ABCB4: variants seen among roughly 807,000 people sequenced by gnomAD.
The protein encoded by ABCB4 is ATP binding cassette subfamily B member 4, also known as phosphatidylcholine translocator ABCB4.
A neutral mutation model predicts 145.7 loss-of-function variants in ABCB4; 76 were observed. That is an observed-to-expected ratio of 0.52 (90% CI 0.43 to 0.63). The LOEUF (loss-of-function observed/expected upper bound fraction) is 0.63. ABCB4 is among the 30% of genes least tolerant of loss of function. The pLI is 0.00. For missense variants in ABCB4, 1,234 were observed against 1,553.1 expected (o/e 0.79, Z 3.45); for synonymous variants, 517 against 566.8 (o/e 0.91, Z 1.25).
intron 24 of ABCB4, among the ~76,000 whole-genome samples, chr7:87,408,885 T>G (rs1214317577): frequency 2.0e-5 from 3 of 152,182 alleles, no homozygotes; most frequent in Non-Finnish European, 4.4e-5. Context: ...ACCAATTACA[T>G]CTTAACTATT....
At chr7:87,469,622 C>T (rs1813214803) in intron 3 of ABCB4, among the ~76,000 whole-genome samples, 2 of 152,138 alleles carry the variant, frequency 1.3e-5, no homozygotes, top group South Asian at 4.1e-4. Flanking sequence ...TTCACAATTG[C>T]TTCAAAGAGA....
chr7:87,432,803 C>T (rs890688058), intron 14 of ABCB4, among the ~76,000 whole-genome samples: 7 of 152,010 alleles, frequency 4.6e-5, no homozygotes, highest in African/African-American at 1.4e-4. Context: ...GGTTGTACAA[C>T]CTTGTGAATA....
intron 27 of ABCB4, among the ~76,000 whole-genome samples, chr7:87,402,769 A>T (rs1202047427): frequency 6.6e-6 from 1 of 152,196 alleles, no homozygotes; most frequent in Non-Finnish European, 1.5e-5. Context: ...TGGGAGGCCG[A>T]GGCAGGCGGA....
chr7:87,388,370 A>G, the ABCB4 span, among the ~76,000 whole-genome samples: 2 of 152,214 alleles, frequency 1.3e-5, no homozygotes, highest in Admixed American at 1.3e-4. Flanking sequence ...ACCTGACTTC[A>G]AACTGTACTA....
chr7:87,393,441 A>C, the ABCB4 span, among the ~76,000 whole-genome samples: 40 of 152,308 alleles, frequency 2.6e-4, no homozygotes, highest in Middle Eastern at 3.4e-3. Flanking sequence ...TATTAATGAG[A>C]TAGAGAAAAG....
At chr7:87,438,033 A>T (rs890780651) in intron 14 of ABCB4, among the ~76,000 whole-genome samples, 5 of 152,210 alleles carry the variant, frequency 3.3e-5, no homozygotes, top group African/African-American at 1.2e-4. Context: ...AAAACAATAC[A>T]TACTGGTCAT....
chr7:87,419,788 G>GAAAAAAAAAAAAAAAAAA (rs200409056), intron 19 of ABCB4, among the ~76,000 whole-genome samples: 1 of 42,328 alleles, frequency 2.4e-5, no homozygotes, highest in African/African-American at 6.8e-5. Context: ...CTATTTCTAT[G>GAAAAAAAAAAAAAAAAAA]AAAAAAAACA....
intron 20 of ABCB4, 39 bp from the exon 21 acceptor site, chr7:87,417,554 C>T (rs1474289355): frequency 1.9e-6 from 3 of 1,560,780 alleles, no homozygotes; most frequent in South Asian, 1.1e-5. Context: ...TAGTTTTAAG[C>T]TCCAAATGCA....
the ABCB4 span, among the ~76,000 whole-genome samples, chr7:87,379,512 T>C: frequency 6.6e-6 from 1 of 152,180 alleles, no homozygotes; most frequent in Non-Finnish European, 1.5e-5. Flanking sequence ...GCTAAACTGA[T>C]TTTTACTAAT....
At chr7:87,416,633 A>C (rs1422360823) in intron 21 of ABCB4, among the ~76,000 whole-genome samples, 1 of 152,198 alleles carries the variant, frequency 6.6e-6, no homozygotes, top group Non-Finnish European at 1.5e-5. Flanking sequence ...CATATAGTAG[A>C]GGTAAGAGCT....
Position 87,432,873 on chromosome 7 carries a change from T to A in ABCB4, c.1732-1308A>T, listed in dbSNP as rs545491486. Among the ~76,000 whole-genome samples, 477 of 152,298 alleles carry A rather than the reference T, an allele frequency of 3.1e-3. 1 individual carries two copies. Among genetic ancestry groups the A allele is most frequent in the Non-Finnish European group, 5.4e-3 (367 of 68,014 alleles). On this transcript the variant is annotated intron_variant, in intron 14 of 27. Coordinates refer to ENST00000649586, the MANE Select transcript of ABCB4 (RefSeq NM_000443.4). ...GTGAATTTTATGGCATGTGTTTGTA[T>A]CTCAATTTTTTAAAAATAGCCATGA... is the stretch of plus-strand genomic sequence containing the variant.
intron 12 of ABCB4, among the ~76,000 whole-genome samples, chr7:87,442,106 A>T (rs779274651): frequency 6.6e-5 from 10 of 152,136 alleles, no homozygotes; most frequent in Non-Finnish European, 1.5e-4. Flanking sequence ...CTTTCTTTAA[A>T]AATGTCAGTT....
At chr7:87,432,115 G>A (rs949541363) in intron 14 of ABCB4, among the ~76,000 whole-genome samples, 1 of 152,154 alleles carries the variant, frequency 6.6e-6, no homozygotes, top group Non-Finnish European at 1.5e-5. Context: ...TCTAGAGTAA[G>A]GCAAGTAAAT....
the ABCB4 span, among the ~76,000 whole-genome samples, chr7:87,380,078 T>G: frequency 3.9e-5 from 6 of 152,114 alleles, no homozygotes; most frequent in South Asian, 1.0e-3. Flanking sequence ...ACCACTGCAC[T>G]CCCACCCAGG....
chr7:87,369,367 T>C, the ABCB4 span: 1 of 1,585,772 alleles, frequency 6.3e-7, no homozygotes. Flanking sequence ...TTTCTGTTTC[T>C]GTTTCCAGAG....
chr7:87,412,663 GT>G (rs1161657721), intron 22 of ABCB4, among the ~76,000 whole-genome samples: 1 of 152,182 alleles, frequency 6.6e-6, no homozygotes, highest in Non-Finnish European at 1.5e-5. Context: ...ATATGAGGGT[GT>G]TTTTGGCAAA....
At chr7:87,378,356 A>AAT in the ABCB4 span, among the ~76,000 whole-genome samples, 1 of 151,700 alleles carries the variant, frequency 6.6e-6, no homozygotes, top group East Asian at 1.9e-4. Flanking sequence ...CAAAAAAAAA[A>AAT]AAAAAAGGGT....
At chr7:87,473,748 T>C (rs1200341464) in intron 2 of ABCB4, among the ~76,000 whole-genome samples, 1 of 152,126 alleles carries the variant, frequency 6.6e-6, no homozygotes, top group Non-Finnish European at 1.5e-5. Flanking sequence ...TGTGTGTGTA[T>C]GATGATTTAT....
chr7:87,431,901 T>C (rs968393399), intron 14 of ABCB4, among the ~76,000 whole-genome samples: 7 of 152,214 alleles, frequency 4.6e-5, no homozygotes, highest in Non-Finnish European at 5.9e-5. Flanking sequence ...CTAAGTTATA[T>C]GGAATGCTAG....
Sources: allele counts gnomAD v4.1 joint callset (sites outside exome capture counted in the v4.1 genomes callset), GRCh38; gene constraint gnomAD v4.1.1; transcripts MANE v1.5; gene names NCBI Gene and HGNC (gene_info 2026-07-23, HGNC 2026-07-21).